The following MTA3 variants were observed in gnomAD, a reference collection of about 807,000 sequenced individuals.
The protein encoded by MTA3 is metastasis-associated protein MTA3.
Under a neutral mutation model 83.5 loss-of-function variants are expected in MTA3, and 34 were observed. The ratio of observed to expected loss-of-function variants is 0.41; its 90% confidence interval spans 0.31 to 0.54. The LOEUF is 0.54. Ranked by LOEUF, MTA3 falls within the 20% of genes least tolerant of loss-of-function variation. The pLI is 0.33. For synonymous variants in MTA3, 303 were observed against 252.7 expected (o/e 1.20, Z -1.89); for missense variants, 761 against 726.4 (o/e 1.05, Z -0.55).
chr2:42,719,986 CAGAA>C (rs1667288869), intron 15 of MTA3, among the ~76,000 whole-genome samples: 2 of 151,988 alleles, frequency 1.3e-5, no homozygotes, highest in Non-Finnish European at 2.9e-5. Context: ...GTTGCTTTGA[CAGAA>C]AGATTTATAA....
rs1688771509 is a variant in MTA3 at position 42,652,081 on chromosome 2, G to GA, written c.500-4111dup. ...CATTGCACTCCAGGGTGGGCAACAA[G>GA]AAAAAAAAGAAAAAAAAGAGTAGGG... On this transcript the variant is annotated intron_variant, in intron 6 of 16. Transcript: ENST00000405094. Among the ~76,000 whole-genome samples, 4 of 150,890 alleles carry GA rather than the reference G, an allele frequency of 2.7e-5. No homozygotes were observed. In the South Asian group the frequency reaches 8.4e-4, roughly 32 times the overall value.
intron 15 of MTA3, among the ~76,000 whole-genome samples, chr2:42,720,786 A>T (rs1422716340): frequency 6.6e-6 from 1 of 151,896 alleles, no homozygotes; most frequent in Non-Finnish European, 1.5e-5. Flanking sequence ...TGTCTCTACC[A>T]AAAATACAAA....
At chr2:42,606,792 T>C (rs999437952) in intron 3 of MTA3, among the ~76,000 whole-genome samples, 3 of 150,876 alleles carry the variant, frequency 2.0e-5, no homozygotes, top group African/African-American at 7.3e-5. Context: ...TGGGCACCAT[T>C]GAGCACTGAG....
At chr2:42,571,235 A>G (rs1390529333) in intron 2 of MTA3, among the ~76,000 whole-genome samples, 2 of 151,640 alleles carry the variant, frequency 1.3e-5, no homozygotes, top group Non-Finnish European at 2.9e-5. Context: ...TTTCTACTAA[A>G]AAAGTACAAA....
chr2:42,691,628 A>G (rs769368246), intron 9 of MTA3, among the ~76,000 whole-genome samples: 10 of 152,186 alleles, frequency 6.6e-5, no homozygotes, highest in African/African-American at 2.4e-4. Context: ...GTACCTTCAG[A>G]TGATTTCCTC....
At chr2:42,666,231 C>G (rs367770662) in intron 8 of MTA3, among the ~76,000 whole-genome samples, 1 of 152,048 alleles carries the variant, frequency 6.6e-6, no homozygotes, top group Non-Finnish European at 1.5e-5. Context: ...GAGCCGAGAT[C>G]GTGCCACTGC....
At chr2:42,641,553 AT>A (rs980717683) in intron 5 of MTA3, among the ~76,000 whole-genome samples, 12 of 149,856 alleles carry the variant, frequency 8.0e-5, no homozygotes, top group South Asian at 4.2e-4. Flanking sequence ...ATTGTATTAA[AT>A]TTTTTTTTTT....
chr2:42,670,225 C>T (rs921508499), intron 8 of MTA3, among the ~76,000 whole-genome samples: 8 of 151,032 alleles, frequency 5.3e-5, no homozygotes, highest in African/African-American at 2.4e-5. Context: ...CGCCATTGCA[C>T]GCCAGCCTGG....
In MTA3 at chr2:42,704,304, G is replaced by A. The variant is rs774163148; in HGVS notation, c.1136G>A (p.Cys379Tyr). ...CAGAATCCTCTCTTAGGGAGAGCCTGTGAGAGCTGCTATGGTAAGTTTTCT... is the reference window on the plus strand; with the variant it reads ...CAGAATCCTCTCTTAGGGAGAGCCTATGAGAGCTGCTATGGTAAGTTTTCT... The part of the protein sequence containing the change: ...QPQNPLLGRA[C>Y]ESCYATQSHQ... Residue 379 changes from cysteine to tyrosine, a missense_variant, in exon 12 of 17, where the codon TGT (cysteine) becomes TAT (tyrosine). Coordinates refer to ENST00000405094, the MANE Select transcript of MTA3 (RefSeq NM_001330442.2). 1 of 1,613,940 alleles carries A rather than the reference G, an allele frequency of 6.2e-7. No homozygotes were observed. Among genetic ancestry groups the A allele is most frequent in the Non-Finnish European group, 8.5e-7 (1 of 1,179,842 alleles).
chr2:42,614,384 A>C (rs868705429), intron 4 of MTA3, among the ~76,000 whole-genome samples: 1 of 152,228 alleles, frequency 6.6e-6, no homozygotes, highest in African/African-American at 2.4e-5. Context: ...GGCGTGAGCC[A>C]CTGCGCCCAG....
At chr2:42,724,346 C>T (rs977389694) in intron 16 of MTA3, among the ~76,000 whole-genome samples, 4 of 113,902 alleles carry the variant, frequency 3.5e-5, no homozygotes, top group East Asian at 6.0e-4. Context: ...ATATTCTTTT[C>T]GGTAAAAAGA....
chr2:42,700,173 G>A (rs1426259601), intron 11 of MTA3, among the ~76,000 whole-genome samples: 1 of 152,016 alleles, frequency 6.6e-6, no homozygotes, highest in African/African-American at 2.4e-5. Flanking sequence ...AGATGAGAGA[G>A]GGAGTGTATA....
chr2:42,607,680 C>T (rs1683650354), intron 3 of MTA3, among the ~76,000 whole-genome samples: 2 of 152,150 alleles, frequency 1.3e-5, no homozygotes, highest in Admixed American at 1.3e-4. Context: ...ATTCTCTTTA[C>T]TCTTCATCCA....
chr2:42,521,952 C>T (rs1011413605), intron 2 of MTA3, among the ~76,000 whole-genome samples: 2 of 152,030 alleles, frequency 1.3e-5, no homozygotes, highest in Non-Finnish European at 2.9e-5. Context: ...TGGGGTTTCA[C>T]CATGTTGGCC....
chr2:42,514,697 T>TTTTTTTTTTTG, intron 2 of MTA3, among the ~76,000 whole-genome samples: 1 of 133,540 alleles, frequency 7.5e-6, no homozygotes, highest in Non-Finnish European at 1.6e-5. Context: ...TTTTTTTTTT[T>TTTTTTTTTTTG]TTTTTTTTTT....
In MTA3 at chr2:42,665,382, T is replaced by G. The variant is rs565721257; in HGVS notation, c.702+5520T>G. On this transcript the variant is annotated intron_variant, in intron 8 of 16. Coordinates refer to ENST00000405094, the MANE Select transcript of MTA3 (RefSeq NM_001330442.2). ...ACTTCAGCCTGGGTGACAGAGCAAG[T>G]TTCCTCTCAAAAAAAAGAAAGAAAG... Among the ~76,000 whole-genome samples the G allele has an allele frequency of 2.5e-5, 3 of 121,530 alleles. No homozygotes were observed. In the East Asian group the frequency reaches 7.4e-4, roughly 30 times the overall value. 79.7% of individuals were successfully genotyped at this position (121,530 alleles called of 152,430 possible). A position where few individuals can be genotyped will look rare whatever the true frequency, so the allele number is the denominator to read the frequency against.
intron 16 of MTA3, among the ~76,000 whole-genome samples, chr2:42,724,277 A>ACACACACACACACACACACACACACAC (rs1553396461): frequency 1.4e-5 from 1 of 73,150 alleles, no homozygotes; most frequent in African/African-American, 6.1e-5. Context: ...AGTCCTGAAA[A>ACACACACACACACACACACACACACAC]ACACACACAC....
At chr2:42,654,352 T>C (rs10208367) in intron 6 of MTA3, among the ~76,000 whole-genome samples, 120,696 of 152,200 alleles carry the variant, frequency 0.79, 48,727 homozygotes, top group African/African-American at 0.94. Context: ...GGGGAATGGT[T>C]GGCTTCAGAG....
intron 4 of MTA3, among the ~76,000 whole-genome samples, chr2:42,617,873 G>A (rs1389702016): frequency 6.6e-6 from 1 of 151,702 alleles, no homozygotes; most frequent in Admixed American, 6.6e-5. Flanking sequence ...TCCCCTCCTC[G>A]CTTGACAGTA....
Sources: gnomAD v4.1 joint callset for allele counts (sites outside exome capture counted in the v4.1 genomes callset) on GRCh38, gnomAD v4.1.1 for gene constraint, MANE v1.5 for transcripts, NCBI Gene and HGNC (gene_info 2026-07-23, HGNC 2026-07-21) for gene names.